Variants in BTBD3 observed in about 807,000 individuals in gnomAD.
BTBD3 encodes BTB/POZ domain-containing protein 3.
In BTBD3, 14 loss-of-function variants were observed where a neutral mutation model predicts 41.6. That is an observed-to-expected ratio of 0.34 (90% CI 0.22 to 0.53). The LOEUF is 0.53. BTBD3 is among the 20% of genes least tolerant of loss of function. The pLI is 0.95. For missense variants in BTBD3, 426 were observed against 654.7 expected (o/e 0.65, Z 3.81); for synonymous variants, 249 against 233.7 (o/e 1.07, Z -0.60).
At chr20:11,892,114 C>T (rs1179232657) in intron 1 of BTBD3, among the ~76,000 whole-genome samples, 1 of 152,288 alleles carries the variant, frequency 6.6e-6, no homozygotes, top group Admixed American at 6.5e-5. Context: ...TTTTCCTAGA[C>T]AGGAACTCAC....
At chr20:11,910,409 A>G (rs1371798096) in intron 1 of BTBD3, 1 of 152,190 alleles carries the variant, frequency 6.6e-6, no homozygotes, top group Non-Finnish European at 1.5e-5. Context: ...AGTAGGATTG[A>G]TTGAAGTCCT....
upstream of BTBD3, chr20:11,913,786 GC>G (rs1427311655): frequency 1.3e-5 from 2 of 152,302 alleles, no homozygotes; most frequent in East Asian, 3.9e-4. Flanking sequence ...AGGTAGGATT[GC>G]TGACAAACCT....
Position 11,923,741 on chromosome 20 carries a change from G to T in BTBD3, c.*75G>T. On this transcript the variant is annotated 3_prime_UTR_variant, in exon 4 of 4. Transcript: ENST00000378226. This position sits in a 1 kb window ranked among gnomAD's most constrained non-coding sequence, Gnocchi z 5.3. ...AACTTGCCTGATGCTTAGCTCATCT[G>T]CAAATATGTGATCAGTGCCGGTAAT... 7.4e-7 allele frequency: 1 copy of T among 1,344,212 alleles called. No homozygotes were observed. The highest frequency in any genetic ancestry group is 1.0e-6 in the Non-Finnish European group (1 of 978,398). 83.3% of individuals were successfully genotyped at this position (1,344,212 alleles called of 1,614,324 possible).
chr20:11,893,284 G>C (rs556555320), intron 1 of BTBD3, among the ~76,000 whole-genome samples: 1 of 152,258 alleles, frequency 6.6e-6, no homozygotes, highest in East Asian at 1.9e-4. Context: ...TTGAGTTTGT[G>C]TTGGGAGTTG....
At chr20:11,892,096 C>G (rs962369709) in intron 1 of BTBD3, among the ~76,000 whole-genome samples, 1 of 152,158 alleles carries the variant, frequency 6.6e-6, no homozygotes, top group Non-Finnish European at 1.5e-5. Flanking sequence ...AGATGAAACT[C>G]AAATTCATTT....
chr20:11,902,319 G>A (rs923015074), intron 1 of BTBD3, among the ~76,000 whole-genome samples: 1 of 152,140 alleles, frequency 6.6e-6, no homozygotes, highest in South Asian at 2.1e-4. Flanking sequence ...TTTACAAGAT[G>A]AATCATCTGT....
At position 11,908,493 on chromosome 20, in the gene BTBD3, A is replaced by C. The variant is rs141628148; in HGVS notation, c.-125-9841A>C. ...CAGAGACTGGAGAAACTCAAATTTA[A>C]GAACATGTTTTCATGAATAGTCCCC... is the stretch of plus-strand genomic sequence containing the variant. On this transcript the variant is annotated intron_variant, in intron 1 of 4. Coordinates refer to the BTBD3 transcript ENST00000254977. Among the ~76,000 whole-genome samples, 7 of 152,030 alleles carry C rather than the reference A, an allele frequency of 4.6e-5. No homozygotes were observed. In the East Asian group the frequency reaches 1.4e-3, roughly 29 times the overall value.
rs1439068146 is a variant in BTBD3 at position 11,918,078 on chromosome 20, T to C, written c.-198T>C. 7.4e-7 allele frequency: 1 copy of C among 1,354,454 alleles called. No individual in the cohort carries two copies. Among genetic ancestry groups the C allele is most frequent in the Non-Finnish European group, 9.4e-7 (1 of 1,060,780 alleles). The allele number at this position is 1,354,454 out of a possible 1,614,324, so 83.9% of individuals were successfully genotyped here. ...ACAGGAATCATGATGGGGATATATT[T>C]AACAGACCCAGTACTGGATAAAACT... On this transcript the variant is annotated 5_prime_UTR_variant, in exon 1 of 4. Coordinates refer to ENST00000378226, the MANE Select transcript of BTBD3 (RefSeq NM_014962.4).
At position 11,918,476 on chromosome 20, in the gene BTBD3, C is replaced by A; in HGVS notation, c.201C>A (p.Phe67Leu). ...TKKKKMAADI[F>L]PRKKPANSSS... The stretch of plus-strand genomic sequence containing the variant: ...AGAAGAAGATGGCTGCTGATATATT[C>A]CCCCGTAAAAAGCCAGCCAACTCCA... Residue 67 changes from phenylalanine to leucine, a missense_variant, in exon 1 of 4, where the codon TTC becomes TTA. By Grantham distance (22) the Phe-to-Leu change is conservative. Around this residue, in one of 3 missense-constraint regions of BTBD3, gnomAD observed 52 missense variants for 45.1 expected, o/e 1.15. Transcript: ENST00000378226. The A allele has an allele frequency of 6.2e-7, 1 of 1,614,106 alleles. No homozygotes were observed. The highest frequency in any genetic ancestry group is 8.5e-7 in the Non-Finnish European group (1 of 1,180,012).
At chr20:11,891,543 G>A (rs529502573) in intron 1 of BTBD3, 40 of 152,340 alleles carry the variant, frequency 2.6e-4, no homozygotes, top group African/African-American at 9.6e-4. Context: ...GAGTGGCGGC[G>A]GGCGATGGCG....
chr20:11,891,074 G>T (rs1400933244), intron 1 of BTBD3: 6 of 718,088 alleles, frequency 8.4e-6, no homozygotes, highest in Non-Finnish European at 1.0e-5. Flanking sequence ...GCGAGGAGAG[G>T]CCGGGCTGGT....
At chr20:11,906,060 T>G (rs1473627433) in intron 1 of BTBD3, among the ~76,000 whole-genome samples, 1 of 151,870 alleles carries the variant, frequency 6.6e-6, no homozygotes, top group Non-Finnish European at 1.5e-5. Context: ...TGAGCAGATT[T>G]ATTTATTTAT....
At position 11,922,715 on chromosome 20, in the gene BTBD3, T is replaced by C; in HGVS notation, c.618T>C (p.Pro206=). 1 of 1,614,206 alleles carries C rather than the reference T, an allele frequency of 6.2e-7. No homozygotes were observed. Among genetic ancestry groups the C allele is most frequent in the African/African-American group, 1.3e-5 (1 of 75,058 alleles). ...TLYAAKKYIV[P]HLARACVNFL... ...ATGCTGCCAAAAAGTACATTGTCCC[T>C]CACCTTGCCAGAGCCTGTGTTAATT... The change falls in exon 4 of 4, where the codon CCT becomes CCC. Residue 206 remains proline, a synonymous_variant. Transcript: ENST00000378226.
At chr20:11,893,650 G>A (rs1398494238) in intron 1 of BTBD3, among the ~76,000 whole-genome samples, 1 of 152,120 alleles carries the variant, frequency 6.6e-6, no homozygotes, top group Non-Finnish European at 1.5e-5. Flanking sequence ...AAATACAGTT[G>A]AGAATTTGTT....
chr20:11,904,871 A>G (rs1481008323), intron 1 of BTBD3, among the ~76,000 whole-genome samples: 2 of 152,106 alleles, frequency 1.3e-5, no homozygotes, highest in African/African-American at 2.4e-5. Context: ...AACGTTTTGT[A>G]CTCTTGTTAT....
chr20:11,896,050 C>A (rs761951768), intron 1 of BTBD3, among the ~76,000 whole-genome samples: 1 of 152,060 alleles, frequency 6.6e-6, no homozygotes, highest in South Asian at 2.1e-4. Context: ...TTAAATTTAC[C>A]GTCTTAATCT....
At chr20:11,907,129 A>T (rs967912482) in intron 1 of BTBD3, among the ~76,000 whole-genome samples, 1 of 152,136 alleles carries the variant, frequency 6.6e-6, no homozygotes, top group South Asian at 2.1e-4. Flanking sequence ...TGGTTAACCC[A>T]CACTTCTCTG....
At chr20:11,900,103 G>A (rs765816732) in intron 1 of BTBD3, among the ~76,000 whole-genome samples, 4 of 152,060 alleles carry the variant, frequency 2.6e-5, no homozygotes, top group Admixed American at 6.5e-5. Flanking sequence ...ACATTTTAGC[G>A]GTGATTACCA....
chr20:11,908,952 A>G (rs2056872886), intron 1 of BTBD3, among the ~76,000 whole-genome samples: 1 of 152,110 alleles, frequency 6.6e-6, no homozygotes, highest in Admixed American at 6.5e-5. Context: ...AGCTAATTAA[A>G]AGTAGCATAA....
Sources: gnomAD v4.1 joint callset for allele counts (sites outside exome capture counted in the v4.1 genomes callset) on GRCh38, gnomAD v4.1.1 for gene constraint, gnomAD v4.1.1 regional missense constraint, Gnocchi (gnomAD v3.1) non-coding constraint, MANE v1.5 for transcripts, NCBI Gene and HGNC (gene_info 2026-07-23, HGNC 2026-07-21) for gene names.